AFAP1L2: variants seen among roughly 807,000 people sequenced by gnomAD.
AFAP1L2 encodes actin filament associated protein 1 like 2, also known as actin filament-associated protein 1-like 2.
AFAP1L2 carries 46 observed loss-of-function variants against 99.3 expected under a neutral mutation model. That is an observed-to-expected ratio of 0.46 (90% confidence interval 0.37 to 0.59). The LOEUF is 0.59. AFAP1L2 is among the 20% of genes least tolerant of loss of function. AFAP1L2 has a pLI of 0.00. For missense variants in AFAP1L2, 959 were observed against 1,034.9 expected, an observed-to-expected ratio of 0.93 and a Z score of 1.01; for synonymous variants, 397 against 419.1, an observed-to-expected ratio of 0.95 and a Z score of 0.64.
chr10:114,297,063 G>A lies in AFAP1L2; in HGVS notation c.2345C>T (p.Thr782Ile), dbSNP rs200907410. The A allele has an allele frequency of 3.7e-6, 6 of 1,614,190 alleles. No individual in the cohort carries two copies. The East Asian group carries it at 1.1e-4, about 30-fold the overall frequency. The change falls in exon 18 of 19, where the codon ACC (threonine) becomes ATC (isoleucine). Residue 782 changes from threonine (T) to isoleucine (I), a missense_variant. Thr to Ile is a moderately conservative substitution (Grantham distance 89). This residue lies in a region of AFAP1L2 where 576 missense variants were observed against 562.1 expected (regional missense o/e 1.02). Coordinates refer to ENST00000304129, the MANE Select transcript of AFAP1L2 (RefSeq NM_001001936.3). ...GAGTGTGGTTGCAGAGTTGACTGGG[G>A]TACAGTCTGGGGCAGAGGCAGGTGT... ...AVTPASAPDCTPVNSATTLKN... is the reference protein window; with the variant it reads ...AVTPASAPDCIPVNSATTLKN...
intron 2 of AFAP1L2, among the ~76,000 whole-genome samples, chr10:114,339,947 G>T (rs1221901837): frequency 6.7e-6 from 1 of 149,270 alleles, no homozygotes; most frequent in African/African-American, 2.5e-5. Flanking sequence ...GGAGGTGGAG[G>T]TTGCAGTGGA....
At chr10:114,286,610 T>C in the AFAP1L2 span, 5 of 1,061,318 alleles carry the variant, frequency 4.7e-6, no homozygotes, top group East Asian at 2.6e-5. Flanking sequence ...GTGCCTCTTC[T>C]AGGGGCTGAA....
chr10:114,350,204 G>C (rs1361622261), intron 1 of AFAP1L2, among the ~76,000 whole-genome samples: 1 of 152,184 alleles, frequency 6.6e-6, no homozygotes, highest in Non-Finnish European at 1.5e-5. Context: ...CAAGCACAGA[G>C]AAGGAGAAAA....
intron 7 of AFAP1L2, among the ~76,000 whole-genome samples, chr10:114,310,959 A>ACCCACCCG (rs138424456): frequency 1.0e-5 from 1 of 96,914 alleles, no homozygotes; most frequent in East Asian, 3.6e-4. Flanking sequence ...GCCGCCACCC[A>ACCCACCCG]CCCGCCCGCC....
At chr10:114,395,613 G>C (rs2057618534) in intron 1 of AFAP1L2, among the ~76,000 whole-genome samples, 1 of 152,062 alleles carries the variant, frequency 6.6e-6, no homozygotes, top group Non-Finnish European at 1.5e-5. Context: ...TAAAAACTGG[G>C]GGAGAAAAAA....
chr10:114,282,676 G>A, the AFAP1L2 span: 1 of 981,066 alleles, frequency 1.0e-6, no homozygotes, highest in Non-Finnish European at 1.6e-6. Context: ...GGTTGTGACT[G>A]GCTCCAGGGC....
intron 1 of AFAP1L2, among the ~76,000 whole-genome samples, chr10:114,341,603 C>G (rs2048837558): frequency 8.4e-6 from 1 of 118,994 alleles, no homozygotes. Flanking sequence ...CAGAGCAAGA[C>G]TCCATCTCAA....
At chr10:114,301,830 G>A (rs866601248) in intron 12 of AFAP1L2, 5 of 303,458 alleles carry the variant, frequency 1.6e-5, no homozygotes, top group Middle Eastern at 2.2e-3. Context: ...GGGTGGCGCA[G>A]GCCAGACACT....
chr10:114,383,864 C>T (rs543385689), intron 1 of AFAP1L2, among the ~76,000 whole-genome samples: 31 of 152,294 alleles, frequency 2.0e-4, no homozygotes, highest in South Asian at 1.5e-3. Flanking sequence ...ACACGTAGCC[C>T]GCAGGCTGAC....
chr10:114,398,725 C>CCCA lies in AFAP1L2; in HGVS notation c.16+5714_16+5715insTGG. On this transcript the variant is annotated intron_variant, in intron 1 of 18. Coordinates refer to ENST00000304129, the MANE Select transcript of AFAP1L2 (RefSeq NM_001001936.3). ...ATCCCGAGCCCCTGAGTGCCCAGGC[C>CCCA]GGTGCCCAGCTCCTTGATCTCCCTC... 3 of 861,098 alleles carry CCCA rather than the reference C, an allele frequency of 3.5e-6. No homozygotes were observed. In the South Asian group the frequency reaches 4.9e-5, roughly 14 times the overall value. 53.3% of individuals were successfully genotyped at this position (861,098 alleles called of 1,614,324 possible).
intron 11 of AFAP1L2, among the ~76,000 whole-genome samples, chr10:114,303,531 T>G (rs1369190578): frequency 2.6e-5 from 4 of 152,226 alleles, no homozygotes; most frequent in Non-Finnish European, 4.4e-5. Flanking sequence ...GGTTTCAAAC[T>G]CCTGACCTCG....
chr10:114,343,933 G>A (rs936739050), intron 1 of AFAP1L2, among the ~76,000 whole-genome samples: 2 of 152,166 alleles, frequency 1.3e-5, no homozygotes, highest in Non-Finnish European at 2.9e-5. Flanking sequence ...CCGAACCAGA[G>A]AAGAACGGGA....
chr10:114,285,023 G>A, the AFAP1L2 span: 69 of 1,416,434 alleles, frequency 4.9e-5, no homozygotes, highest in Non-Finnish European at 6.2e-5. Flanking sequence ...AGAAGAGGAC[G>A]GGCTCCCCTT....
intron 10 of AFAP1L2, among the ~76,000 whole-genome samples, chr10:114,305,423 ATGC>A (rs2042057353): frequency 3.9e-5 from 1 of 25,646 alleles, no homozygotes; most frequent in Non-Finnish European, 9.2e-5. Context: ...GGAGATGCAG[ATGC>A]AGGAGGGGAC....
intron 2 of AFAP1L2, among the ~76,000 whole-genome samples, chr10:114,335,191 G>C (rs2047751658): frequency 6.6e-6 from 1 of 152,080 alleles, no homozygotes; most frequent in Non-Finnish European, 1.5e-5. Context: ...ACATTTTTGT[G>C]TTCATATTCT....
chr10:114,289,660 A>C, the AFAP1L2 span: 1 of 682,764 alleles, frequency 1.5e-6, no homozygotes, highest in Non-Finnish European at 2.5e-6. Context: ...TACAGTAGGC[A>C]TAACCATCCT....
chr10:114,308,044 A>G, intron 9 of AFAP1L2, 135 bp from the exon 10 acceptor site: 3 of 709,720 alleles, frequency 4.2e-6, no homozygotes, highest in Non-Finnish European at 7.5e-6. Context: ...GCACATATGC[A>G]CGCATACACA....
chr10:114,326,027 A>G (rs369846498), intron 4 of AFAP1L2: 2 of 745,994 alleles, frequency 2.7e-6, no homozygotes, highest in Admixed American at 3.5e-5. Context: ...GATCTGGCCC[A>G]AGGTCAGGAT....
At chr10:114,337,146 G>A (rs758718313) in intron 2 of AFAP1L2, among the ~76,000 whole-genome samples, 8 of 152,236 alleles carry the variant, frequency 5.3e-5, no homozygotes, top group African/African-American at 1.7e-4. Flanking sequence ...TGTGCGACAC[G>A]ACAGTTAACT....
Sources: allele counts gnomAD v4.1 joint callset (sites outside exome capture counted in the v4.1 genomes callset), GRCh38; gene constraint gnomAD v4.1.1; regional missense constraint gnomAD v4.1.1; transcripts MANE v1.5; gene names NCBI Gene and HGNC (gene_info 2026-07-23, HGNC 2026-07-21).